The following WNK3 variants were observed in gnomAD, a reference collection of about 807,000 sequenced individuals.
WNK3 encodes the protein WNK lysine deficient protein kinase 3.
Under a neutral mutation model 116.7 loss-of-function variants are expected in WNK3, and 18 were observed. The observed-to-expected ratio is 0.15, with a 90% CI of 0.11 to 0.23. The LOEUF (loss-of-function observed/expected upper bound fraction) is 0.23, where lower values mean the gene tolerates loss of function less well. Ranked by LOEUF, WNK3 falls within the 10% of genes least tolerant of loss-of-function variation. The pLI is 1.00. For synonymous variants in WNK3, 404 were observed against 469.4 expected (o/e 0.86, Z 1.80); for missense variants, 993 against 1,323.8 (o/e 0.75, Z 3.88).
chrX:54,288,315 C>A (rs1459089496), intron 10 of WNK3, among the ~76,000 whole-genome samples: 1 of 111,393 alleles, frequency 9.0e-6, no homozygotes, highest in African/African-American at 3.3e-5. Context: ...GTTTGGAATA[C>A]CTGGTAATGG....
chrX:54,269,045 T>C (rs1464577955), intron 10 of WNK3, among the ~76,000 whole-genome samples: 1 of 111,300 alleles, frequency 9.0e-6, no homozygotes, highest in African/African-American at 3.3e-5. Flanking sequence ...GCATTACTTC[T>C]ATTATGATGC....
In WNK3 at chrX:54,252,789, A is replaced by C. The variant is rs192057544; in HGVS notation, c.2368-1102T>G. On this transcript the variant is annotated intron_variant, in intron 13 of 23. Coordinates refer to ENST00000354646, the Ensembl canonical transcript of WNK3. ...TAAACAAGAACAGAACTGATGATGA[A>C]ATAATTAACTTTTAAAATGTTTAAT... Among the ~76,000 whole-genome samples, 301 of 111,196 alleles carry C rather than the reference A, an allele frequency of 2.7e-3. 3 individuals are homozygous for C. The highest frequency in any genetic ancestry group is 9.1e-3 in the African/African-American group (280 of 30,698).
rs781894959 is a variant in WNK3 at position 54,249,125 on chromosome X, T to C, written c.3223A>G (p.Ile1075Val). 1.7e-6 allele frequency: 2 copies of C among 1,210,314 alleles called. 1 individual carries two copies. Among genetic ancestry groups the C allele is most frequent in the Admixed American group, 4.4e-5 (2 of 45,756 alleles). ...TCAAGGCCAGGGGTCTGAGTGGGAATGACTGTCTTAGGAGAACTTGCTTCA... is the reference window on the plus strand; with the variant it reads ...TCAAGGCCAGGGGTCTGAGTGGGAACGACTGTCTTAGGAGAACTTGCTTCA... The change falls in exon 17 of 24, where the codon ATT (isoleucine) becomes GTT (valine). Residue 1075 changes from isoleucine (I) to valine (V), a missense_variant. Ile to Val is a conservative substitution (Grantham distance 29). Coordinates refer to ENST00000354646, the Ensembl canonical transcript of WNK3.
intron 10 of WNK3, among the ~76,000 whole-genome samples, chrX:54,277,005 C>A (rs928609967): frequency 1.8e-5 from 2 of 111,980 alleles, no homozygotes; most frequent in Non-Finnish European, 1.9e-5. Context: ...GTGTTAGCCA[C>A]CGCGCCTGGC....
At chrX:54,203,226 T>C (rs184636919) in intron 22 of WNK3, among the ~76,000 whole-genome samples, 18 of 112,066 alleles carry the variant, frequency 1.6e-4, no homozygotes, top group Non-Finnish European at 5.6e-5. Flanking sequence ...TAAGTATACT[T>C]TCCTAATCTG....
At chrX:54,236,337 G>A (rs1221795462) in intron 20 of WNK3, among the ~76,000 whole-genome samples, 1 of 107,657 alleles carries the variant, frequency 9.3e-6, no homozygotes, top group Non-Finnish European at 1.9e-5. Flanking sequence ...TGGCCAGGCC[G>A]GTCTTGAACT....
intron 22 of WNK3, among the ~76,000 whole-genome samples, chrX:54,210,470 A>G (rs1304651329): frequency 3.6e-5 from 4 of 111,020 alleles, no homozygotes; most frequent in African/African-American, 1.3e-4. Context: ...AAAAAATTTT[A>G]AAAAAGATTT....
At position 54,275,761 on chromosome X, in the gene WNK3, T is replaced by TA. The variant is rs1351867847; in HGVS notation, c.2038-16424dup. ...AATTAAGAGACATTGACAGAAGGGA[T>TA]AAAAAACATGGATAAACATTAACTA... On this transcript the variant is annotated intron_variant, in intron 10 of 23. Transcript: ENST00000354646. Among the ~76,000 whole-genome samples the TA allele has an allele frequency of 9.1e-5, 10 of 110,109 alleles. No homozygotes were observed. In the Admixed American group the frequency reaches 9.9e-4, roughly 11 times the overall value.
At chrX:54,227,472 T>C (rs1482525102) in intron 22 of WNK3, among the ~76,000 whole-genome samples, 5 of 112,304 alleles carry the variant, frequency 4.5e-5, no homozygotes, top group African/African-American at 1.6e-4. Context: ...CATGTCCTGC[T>C]GTTATGACTG....
chrX:54,348,124 ATGTGTG>A lies in WNK3; in HGVS notation c.-120+9556_-120+9561del, dbSNP rs781868512. ...TAACATTGTAGATTTCATTGTATAT[ATGTGTG>A]TGTGTGTGTGTGTGTGTGTGTGTAT... On this transcript the variant is annotated intron_variant, in intron 1 of 23. Transcript: ENST00000354646. Among the ~76,000 whole-genome samples, 6 of 102,914 alleles carry A rather than the reference ATGTGTG, an allele frequency of 5.8e-5. No homozygotes were observed. The South Asian group carries it at 2.5e-3, about 44-fold the overall frequency. The allele number at this position is 102,914 out of a possible 115,157, so 89.4% of individuals were successfully genotyped here. A position where few individuals can be genotyped will look rare whatever the true frequency, so the allele number is the denominator to read the frequency against.
At chrX:54,332,464 T>A (rs895990164) in intron 2 of WNK3, among the ~76,000 whole-genome samples, 4 of 112,180 alleles carry the variant, frequency 3.6e-5, no homozygotes, top group South Asian at 7.3e-4. Flanking sequence ...TATTTCCCTA[T>A]CACATTCTCA....
At chrX:54,203,937 A>G (rs1372169124) in intron 22 of WNK3, among the ~76,000 whole-genome samples, 2 of 109,918 alleles carry the variant, frequency 1.8e-5, no homozygotes, top group East Asian at 5.7e-4. Context: ...ACAGAGCAAG[A>G]CTCTGTCTCA....
At chrX:54,355,907 T>C (rs1207670992) in intron 1 of WNK3, among the ~76,000 whole-genome samples, 1 of 111,607 alleles carries the variant, frequency 9.0e-6, no homozygotes, top group Non-Finnish European at 1.9e-5. Flanking sequence ...TTTAATACAT[T>C]AAGTATTCAT....
At chrX:54,353,546 C>T (rs1027034320) in intron 1 of WNK3, among the ~76,000 whole-genome samples, 4 of 110,770 alleles carry the variant, frequency 3.6e-5, no homozygotes, top group Non-Finnish European at 5.7e-5. Context: ...AGTTACTATG[C>T]TACCAGCCTG....
At chrX:54,236,999 C>T (rs781851151) in exon 20 of WNK3, 1 of 1,211,293 alleles carries the variant, frequency 8.3e-7, no homozygotes, top group East Asian at 3.0e-5. Context: ...GATTCATCAT[C>T]ACTGCTCATT....
chrX:54,206,138 T>C (rs971522218), intron 22 of WNK3, among the ~76,000 whole-genome samples: 52 of 111,532 alleles, frequency 4.7e-4, no homozygotes, highest in African/African-American at 1.6e-3. Context: ...GTGACTCCCA[T>C]CTGTAATCCT....
chrX:54,295,469 G>T (rs2068688236), intron 7 of WNK3, among the ~76,000 whole-genome samples: 1 of 111,369 alleles, frequency 9.0e-6, no homozygotes, highest in African/African-American at 3.3e-5. Context: ...GATTAAAAAG[G>T]TTTCCTCATT....
At chrX:54,322,657 C>T (rs1284309875) in intron 2 of WNK3, among the ~76,000 whole-genome samples, 4 of 111,747 alleles carry the variant, frequency 3.6e-5, no homozygotes, top group African/African-American at 1.3e-4. Flanking sequence ...GAATACAAAT[C>T]CTGACTCTGC....
chrX:54,236,909 A>T (rs1474398713), intron 20 of WNK3, 29 bp downstream of exon 20: 3 of 1,160,832 alleles, frequency 2.6e-6, no homozygotes, highest in African/African-American at 3.6e-5. Context: ...GGGCAACCAG[A>T]TTTGTGACAA....
Sources: allele counts gnomAD v4.1 joint callset (sites outside exome capture counted in the v4.1 genomes callset), GRCh38; gene constraint gnomAD v4.1.1; transcripts MANE v1.5; gene names NCBI Gene and HGNC (gene_info 2026-07-23, HGNC 2026-07-21).